TMEM245: variants seen among roughly 807,000 people sequenced by gnomAD.
The protein encoded by TMEM245 is transmembrane protein 245.
In TMEM245, 69 loss-of-function variants were observed where a neutral mutation model predicts 101.2. That is an observed-to-expected ratio of 0.68 (90% CI 0.56 to 0.83). The LOEUF (loss-of-function observed/expected upper bound fraction) is 0.83. Ranked by LOEUF, TMEM245 falls within the 40% of genes least tolerant of loss-of-function variation. TMEM245 has a pLI of 0.00. For missense variants in TMEM245, 1,075 were observed against 1,092.8 expected (o/e 0.98, Z 0.23); for synonymous variants, 537 against 449.8 (o/e 1.19, Z -2.45).
At chr9:109,091,595 A>G (rs1465257303) in intron 4 of TMEM245, among the ~76,000 whole-genome samples, 2 of 152,184 alleles carry the variant, frequency 1.3e-5, no homozygotes, top group African/African-American at 2.4e-5. Flanking sequence ...TTTCAGTGTT[A>G]TTTCACCTAA....
intron 6 of TMEM245, 82 bp downstream of exon 6, chr9:109,087,091 A>G: frequency 1.6e-6 from 2 of 1,268,958 alleles, no homozygotes; most frequent in Non-Finnish European, 1.1e-6. Context: ...CAGTTACAAT[A>G]TAAACACCAT....
chr9:109,037,024 T>C (rs1295460048), intron 15 of TMEM245, among the ~76,000 whole-genome samples: 3 of 151,948 alleles, frequency 2.0e-5, no homozygotes, highest in African/African-American at 7.3e-5. Flanking sequence ...TTTGTGGACA[T>C]CACAGTAGAG....
At chr9:109,108,420 TAAAA>T (rs5899838) in intron 2 of TMEM245, 29 bp downstream of exon 2, 963 of 936,546 alleles carry the variant, frequency 1.0e-3, no homozygotes, top group South Asian at 2.0e-3. Context: ...AGGCTAGACT[TAAAA>T]AAAAAAAAAA....
intron 5 of TMEM245, among the ~76,000 whole-genome samples, chr9:109,087,857 TC>T (rs1183219226): frequency 2.0e-5 from 3 of 152,206 alleles, no homozygotes; most frequent in African/African-American, 7.2e-5. Flanking sequence ...TGTTCCTATT[TC>T]CCCATTTGAT....
At chr9:109,073,215 A>G in intron 9 of TMEM245, 141 bp downstream of exon 9, 1 of 666,800 alleles carries the variant, frequency 1.5e-6, no homozygotes, top group Non-Finnish European at 2.6e-6. Flanking sequence ...TTCTTCTTCA[A>G]AAATGACAAT....
At chr9:109,064,779 A>ATTTAT (rs964301629) in intron 9 of TMEM245, among the ~76,000 whole-genome samples, 2 of 151,976 alleles carry the variant, frequency 1.3e-5, no homozygotes, top group African/African-American at 2.4e-5. Context: ...CTTAGCTTTT[A>ATTTAT]TTTATTTTAT....
chr9:109,072,303 C>T (rs1218247836), intron 9 of TMEM245, among the ~76,000 whole-genome samples: 6 of 152,162 alleles, frequency 3.9e-5, no homozygotes, highest in South Asian at 4.1e-4. Flanking sequence ...TAGTTAAGCC[C>T]GCTCCCACTA....
chr9:109,074,468 CAG>C (rs1829433407), intron 8 of TMEM245, among the ~76,000 whole-genome samples: 1 of 152,076 alleles, frequency 6.6e-6, no homozygotes, highest in Non-Finnish European at 1.5e-5. Flanking sequence ...TCACGAGTAA[CAG>C]GGAGAAAAGA....
chr9:109,036,272 A>G lies in TMEM245; in HGVS notation c.2333T>C (p.Leu778Ser). 1 of 1,613,852 alleles carries G rather than the reference A, an allele frequency of 6.2e-7. No individual in the cohort carries two copies. Among genetic ancestry groups the G allele is most frequent in the Non-Finnish European group, 8.5e-7 (1 of 1,179,952 alleles). Residue 778 changes from leucine (L) to serine (S), a missense_variant, in exon 16 of 18, where the codon TTA becomes TCA. This residue lies in a region of TMEM245 where 267 missense variants were observed against 351.3 expected (regional missense o/e 0.76). Coordinates refer to ENST00000374586, the MANE Select transcript of TMEM245 (RefSeq NM_032012.4). ...LTQGLGCKAI[L>S]LLIFHLLPTY... Reference sequence around the variant, plus strand: ...TGGCAAGAGATGAAAAATCAACAGTAAAATGGCCTTGCATCCTAACCCTTG... The same window carrying G: ...TGGCAAGAGATGAAAAATCAACAGTGAAATGGCCTTGCATCCTAACCCTTG...
intron 3 of TMEM245, among the ~76,000 whole-genome samples, chr9:109,097,636 T>C (rs62575239): frequency 0.055 from 8,411 of 152,266 alleles, 366 homozygotes; most frequent in South Asian, 0.14. Context: ...TATAAAATGC[T>C]GGCTGGGCAC....
Position 109,107,273 on chromosome 9 carries a change from C to T in TMEM245, c.698-664G>A, listed in dbSNP as rs550976397. 3.3e-5 allele frequency among the ~76,000 whole-genome samples: 5 copies of T among 151,902 alleles called. No homozygotes were observed. The East Asian group carries it at 9.7e-4, about 29-fold the overall frequency. On this transcript the variant is annotated intron_variant, in intron 2 of 17. Coordinates refer to ENST00000374586, the MANE Select transcript of TMEM245 (RefSeq NM_032012.4). Reference sequence around the variant, plus strand: ...AATTAGCCAGGCGTGGTGGTACATGCCTGTAATCCCAGCTACTTGGGGGGC... The same window carrying T: ...AATTAGCCAGGCGTGGTGGTACATGTCTGTAATCCCAGCTACTTGGGGGGC...
chr9:109,065,177 C>A (rs937878043), intron 9 of TMEM245, among the ~76,000 whole-genome samples: 1 of 152,166 alleles, frequency 6.6e-6, no homozygotes, highest in Non-Finnish European at 1.5e-5. Context: ...TCCTGAGTCA[C>A]CTGCCTTATT....
intron 17 of TMEM245, among the ~76,000 whole-genome samples, chr9:109,024,476 C>T (rs1042973276): frequency 1.3e-5 from 2 of 152,186 alleles, no homozygotes; most frequent in Non-Finnish European, 2.9e-5. Context: ...ATATAGCTCC[C>T]ACCTTCAAAA....
At chr9:109,081,689 T>C (rs1244726364) in intron 7 of TMEM245, among the ~76,000 whole-genome samples, 1 of 152,184 alleles carries the variant, frequency 6.6e-6, no homozygotes, top group Non-Finnish European at 1.5e-5. Context: ...AAAATGCTTT[T>C]TAAAATCTGA....
At chr9:109,031,570 T>C (rs1827944758) in intron 17 of TMEM245, among the ~76,000 whole-genome samples, 1 of 152,246 alleles carries the variant, frequency 6.6e-6, no homozygotes, top group African/African-American at 2.4e-5. Context: ...GCAAAACTAA[T>C]GAAAAGTGAC....
At chr9:109,035,570 T>C (rs1454489027) in intron 16 of TMEM245, among the ~76,000 whole-genome samples, 3 of 152,128 alleles carry the variant, frequency 2.0e-5, no homozygotes, top group Non-Finnish European at 4.4e-5. Flanking sequence ...CACATGGATA[T>C]CCTCAGACAT....
intron 8 of TMEM245, among the ~76,000 whole-genome samples, chr9:109,077,467 A>T (rs1284714731): frequency 6.6e-6 from 1 of 152,180 alleles, no homozygotes; most frequent in Admixed American, 6.5e-5. Context: ...AAAGGCTTCT[A>T]AATATCCTTA....
intron 9 of TMEM245, among the ~76,000 whole-genome samples, chr9:109,068,248 T>C (rs1175499808): frequency 2.6e-5 from 4 of 151,716 alleles, no homozygotes; most frequent in African/African-American, 9.7e-5. Flanking sequence ...CAGGTGCCTG[T>C]AGTCCCAGCT....
chr9:109,114,595 C>T (rs886645481), intron 1 of TMEM245, among the ~76,000 whole-genome samples: 5 of 152,186 alleles, frequency 3.3e-5, no homozygotes, highest in Admixed American at 2.0e-4. Context: ...TCTCCACCTC[C>T]TGCTTCTTTA....
Sources: allele counts gnomAD v4.1 joint callset (sites outside exome capture counted in the v4.1 genomes callset), GRCh38; gene constraint gnomAD v4.1.1; regional missense constraint gnomAD v4.1.1; transcripts MANE v1.5; gene names NCBI Gene and HGNC (gene_info 2026-07-23, HGNC 2026-07-21).